ALS2CL: variants seen among roughly 807,000 people sequenced by gnomAD.
The protein encoded by ALS2CL is ALS2 C-terminal like, also known as ALS2 C-terminal-like protein.
ALS2CL carries 112 observed loss-of-function variants against 127.9 expected under a neutral mutation model. The ratio of observed to expected loss-of-function variants is 0.88; its 90% CI spans 0.75 to 1.02. ALS2CL has a LOEUF of 1.02. Among genes scored for constraint, ALS2CL ranks in the 50% least tolerant of loss-of-function variants. The pLI is 0.00. For missense variants in ALS2CL, 1,174 were observed against 1,236.7 expected, an observed-to-expected ratio of 0.95 and a Z score of 0.76; for synonymous variants, 519 against 527.6, an observed-to-expected ratio of 0.98 and a Z score of 0.22.
chr3:46,678,166 C>T, intron 16 of ALS2CL, 93 bp downstream of exon 16: 1 of 1,334,708 alleles, frequency 7.5e-7, no homozygotes, highest in African/African-American at 1.5e-5. Flanking sequence ...GAGGTGGGTG[C>T]AAAAAGGCCC....
chr3:46,691,449 A>G (rs1271774027), intron 1 of ALS2CL, among the ~76,000 whole-genome samples: 1 of 152,076 alleles, frequency 6.6e-6, no homozygotes, highest in South Asian at 2.1e-4. Context: ...CCGGGGGGCC[A>G]GCACCATGAC....
At position 46,681,572 on chromosome 3, in the gene ALS2CL, G is replaced by A; in HGVS notation, c.1202C>T (p.Ala401Val). 1 of 1,614,106 alleles carries A rather than the reference G, an allele frequency of 6.2e-7. No homozygotes were observed. Among genetic ancestry groups the A allele is most frequent in the Non-Finnish European group, 8.5e-7 (1 of 1,179,988 alleles). Residue 401 changes from alanine to valine, a missense_variant, in exon 12 of 26, where the codon GCC becomes GTC. Ala to Val is a moderately conservative substitution (Grantham distance 64). Transcript: ENST00000318962. This position sits in a 1 kb window ranked among gnomAD's most constrained non-coding sequence, Gnocchi z 4.9. ...HGFGIRLLPQ[A>V]SEDKFDCYKC... is the part of the protein sequence containing the mutation. ...GTAACAGTCGAACTTGTCCTCAGAG[G>A]CCTGGGGCAGCAGGCGGATGCCGAA...
At position 46,669,925 on chromosome 3, in the gene ALS2CL, A is replaced by C. The variant is rs374233292; in HGVS notation, c.*1059T>G. 6.6e-5 allele frequency: 10 copies of C among 152,344 alleles called. No individual in the cohort carries two copies. The East Asian group carries it at 1.5e-3, about 24-fold the overall frequency. The allele number at this position is 152,344 out of a possible 1,614,324, so 9.4% of individuals were successfully genotyped here. A position where few individuals can be genotyped will look rare whatever the true frequency, so the allele number is the denominator to read the frequency against. On this transcript the variant is annotated 3_prime_UTR_variant, in exon 26 of 26. Coordinates refer to ENST00000318962, the MANE Select transcript of ALS2CL (RefSeq NM_147129.5). The stretch of plus-strand genomic sequence containing the variant: ...TGGGGGAGCCACACCCAGAGCCAGG[A>C]GCCTGACTTGCTCAGGGCCTAGGGA...
intron 19 of ALS2CL, 60 bp downstream of exon 19, chr3:46,676,185 C>T (rs1294296336): frequency 7.0e-6 from 11 of 1,574,878 alleles, no homozygotes; most frequent in Non-Finnish European, 9.5e-6. Flanking sequence ...AGAACTGATG[C>T]CTGGAAAGGG....
Position 46,675,625 on chromosome 3 carries a change from CTG to C in ALS2CL, c.2246_2247del (p.Thr749ArgfsTer32). On this transcript the variant is annotated frameshift_variant, in exon 20 of 26. Coordinates refer to ENST00000318962, the MANE Select transcript of ALS2CL (RefSeq NM_147129.5). LOFTEE classifies it high-confidence loss of function. ...GAGACCTGCGCCAGTCACCTTGTCT[CTG>C]TGTCTTCATCCTCCTCCAGGGCCTG... ...KGQALEEDED[T>X]ETRDLQVHGL... The C allele has an allele frequency of 6.2e-7, 1 of 1,613,846 alleles. No homozygotes were observed. The highest frequency in any genetic ancestry group is 8.5e-7 in the Non-Finnish European group (1 of 1,180,002).
intron 6 of ALS2CL, among the ~76,000 whole-genome samples, chr3:46,685,926 C>G (rs977937978): frequency 2.6e-5 from 4 of 152,234 alleles, no homozygotes; most frequent in African/African-American, 9.6e-5. Flanking sequence ...TTCCACAATT[C>G]TCGTTCCTCT....
chr3:46,681,121 G>A lies in ALS2CL; in HGVS notation c.1436+125C>T, dbSNP rs753947162. 22 of 1,444,834 alleles carry A rather than the reference G, an allele frequency of 1.5e-5. No individual in the cohort carries two copies. The African/African-American group carries it at 2.8e-4, about 18-fold the overall frequency. The allele number at this position is 1,444,834 out of a possible 1,614,324, so 89.5% of individuals were successfully genotyped here. On this transcript the variant is annotated intron_variant, in intron 13 of 25. Transcript: ENST00000318962. The surrounding 1 kb of genome is among the most constrained non-coding windows in gnomAD (Gnocchi z 4.9). ...CTCCGCAGCAACCGAGGGACTGGAG[G>A]GGAAGTGAGGGGCTTAAGAGAGACA...
chr3:46,674,559 G>A lies in ALS2CL; in HGVS notation c.2429+7C>T, dbSNP rs375329159. On this transcript the variant is annotated splice_region_variant and intron_variant, in intron 21 of 25. Transcript: ENST00000318962. ...GCTAACACGGCACGGGGGAAGGGAAGGCTTACTTCTGCACATCCAGGAACT... is the reference window on the plus strand; with the variant it reads ...GCTAACACGGCACGGGGGAAGGGAAAGCTTACTTCTGCACATCCAGGAACT... 50 of 1,609,210 alleles carry A rather than the reference G, an allele frequency of 3.1e-5. No individual in the cohort carries two copies. Among genetic ancestry groups the A allele is most frequent in the Non-Finnish European group, 4.0e-5 (47 of 1,177,600 alleles).
rs544486186 is a variant in ALS2CL at position 46,685,597 on chromosome 3, G to T, written c.714C>A (p.Asp238Glu). 5 of 1,614,012 alleles carry T rather than the reference G, an allele frequency of 3.1e-6. No homozygotes were observed. Among genetic ancestry groups the T allele is most frequent in the Admixed American group, 3.3e-5 (2 of 59,998 alleles). ...GCAACGGTGCGACCGTCACGGGTACGTCCTGGCTGTCCTGAAGGAGTCTGT... is the reference window on the plus strand; with the variant it reads ...GCAACGGTGCGACCGTCACGGGTACTTCCTGGCTGTCCTGAAGGAGTCTGT... ...PAHRLLQDSQ[D>E]VPVTVAPLRA... is the part of the protein sequence containing the mutation. The change falls in exon 7 of 26, where the codon GAC becomes GAA. Residue 238 changes from aspartate to glutamate, a missense_variant. Coordinates refer to ENST00000318962, the MANE Select transcript of ALS2CL (RefSeq NM_147129.5).
rs1698650245 is a variant in ALS2CL at position 46,674,482 on chromosome 3, A to G, written c.2429+84T>C. The G allele has an allele frequency of 3.3e-6, 5 of 1,525,608 alleles. No homozygotes were observed. The Admixed American group carries it at 9.4e-5, about 29-fold the overall frequency. 94.5% of individuals were successfully genotyped at this position (1,525,608 alleles called of 1,614,324 possible). ...ACTTGGTGGGTACATGAACCTATCA[A>G]CCCCAGCCCCACCTTTTGGCTGAAG... is the stretch of plus-strand genomic sequence containing the variant. On this transcript the variant is annotated intron_variant, in intron 21 of 25. Coordinates refer to ENST00000318962, the MANE Select transcript of ALS2CL (RefSeq NM_147129.5).
intron 25 of ALS2CL, among the ~76,000 whole-genome samples, 170 bp from the exon 26 acceptor site, chr3:46,671,234 C>G (rs1011037108): frequency 6.6e-6 from 1 of 152,192 alleles, no homozygotes; most frequent in African/African-American, 2.4e-5. Flanking sequence ...CTTCCTCTCC[C>G]ACTGTGCTTG....
chr3:46,688,667 C>A (rs895484087), intron 2 of ALS2CL, among the ~76,000 whole-genome samples: 8 of 152,242 alleles, frequency 5.3e-5, no homozygotes, highest in Non-Finnish European at 8.8e-5. Context: ...GTCACACAGT[C>A]CTCTGCCATT....
At position 46,676,357 on chromosome 3, in the gene ALS2CL, G is replaced by A. The variant is rs1274996293; in HGVS notation, c.2074C>T (p.Leu692=). ...LHPLGKLLRT[L]MLTFQATYAG... is the part of the protein sequence containing the mutation. The stretch of plus-strand genomic sequence containing the variant: ...TAGGTAGCCTGGAAGGTCAGCATCA[G>A]TGTCCGGAGCAGCTTTCCCAGGGGG... The change falls in exon 19 of 26, where the codon CTG becomes TTG. Residue 692 remains leucine (L), a synonymous_variant. Transcript: ENST00000318962. 3 of 1,613,870 alleles carry A rather than the reference G, an allele frequency of 1.9e-6. No homozygotes were observed. Among genetic ancestry groups the A allele is most frequent in the Non-Finnish European group, 2.5e-6 (3 of 1,179,996 alleles).
chr3:46,688,026 C>T, intron 3 of ALS2CL, 72 bp downstream of exon 3: 5 of 1,556,488 alleles, frequency 3.2e-6, no homozygotes, highest in Non-Finnish European at 4.4e-6. Flanking sequence ...GCCCCAACCC[C>T]AGGTGAACCT....
Position 46,681,149 on chromosome 3 carries a change from G to T in ALS2CL, c.1436+97C>A. On this transcript the variant is annotated intron_variant, in intron 13 of 25. Coordinates refer to ENST00000318962, the MANE Select transcript of ALS2CL (RefSeq NM_147129.5). This position sits in a 1 kb window ranked among gnomAD's most constrained non-coding sequence, Gnocchi z 4.9. The stretch of plus-strand genomic sequence containing the variant: ...AAGTGAGGGGCTTAAGAGAGACACA[G>T]TGGGGGACAAACAGGAGCCTGTGTC... 6.4e-7 allele frequency: 1 copy of T among 1,564,506 alleles called. No individual in the cohort carries two copies. Among genetic ancestry groups the T allele is most frequent in the Non-Finnish European group, 8.8e-7 (1 of 1,137,718 alleles).
chr3:46,684,162 A>G (rs1221006406), intron 7 of ALS2CL, 115 bp from the exon 8 acceptor site: 4 of 1,230,146 alleles, frequency 3.3e-6, no homozygotes, highest in Admixed American at 2.0e-5. Context: ...TATTCTGCCC[A>G]GCATGTCCAG....
intron 1 of ALS2CL, among the ~76,000 whole-genome samples, chr3:46,692,531 G>T (rs1700220100): frequency 6.6e-6 from 1 of 151,476 alleles, no homozygotes; most frequent in Non-Finnish European, 1.5e-5. Flanking sequence ...TAGAACTTGT[G>T]CAGGGCTCAG....
At position 46,688,290 on chromosome 3, in the gene ALS2CL, T is replaced by C. The variant is rs1282896522; in HGVS notation, c.110A>G (p.Asp37Gly). 6.2e-7 allele frequency: 1 copy of C among 1,612,294 alleles called. No individual in the cohort carries two copies. The highest frequency in any genetic ancestry group is 2.2e-5 in the East Asian group (1 of 44,884). The change falls in exon 3 of 26, where the codon GAT becomes GGT. Residue 37 changes from aspartate (D) to glycine (G), a missense_variant. Transcript: ENST00000318962. ...VLQPLLPAAP[D>G]PSDPWGRECL... is the part of the protein sequence containing the mutation. The stretch of plus-strand genomic sequence containing the variant: ...CTCTCTGCCCCAGGGATCCGAGGGA[T>C]CTGGGGCTGGGGAAGGAGTACAGTC...
chr3:46,684,004 T>C lies in ALS2CL; in HGVS notation c.830A>G (p.Asp277Gly), dbSNP rs746119810. The change falls in exon 8 of 26, where the codon GAT becomes GGT. Residue 277 changes from aspartate (D) to glycine (G), a missense_variant. Transcript: ENST00000318962. ...GGTTGCTCACCCGTCCTGCCCAGGA[T>C]CCACCCACACCAGCTTCAGATCAAA... is the stretch of plus-strand genomic sequence containing the variant. The part of the protein sequence containing the change: ...HTFDLKLVWV[D>G]PGQDGCTFHL... 6.3e-7 allele frequency: 1 copy of C among 1,579,648 alleles called. No individual in the cohort carries two copies. The highest frequency in any genetic ancestry group is 1.8e-5 in the Admixed American group (1 of 54,258).
Sources: allele counts gnomAD v4.1 joint callset (sites outside exome capture counted in the v4.1 genomes callset), GRCh38; gene constraint gnomAD v4.1.1; non-coding constraint Gnocchi (gnomAD v3.1); transcripts MANE v1.5; gene names NCBI Gene and HGNC (gene_info 2026-07-23, HGNC 2026-07-21).